IKZF2: variants seen among roughly 807,000 people sequenced by gnomAD.
IKZF2 encodes the protein zinc finger protein Helios.
IKZF2 carries 15 observed loss-of-function variants against 49.2 expected under a neutral mutation model. The ratio of observed to expected loss-of-function variants is 0.30; its 90% confidence interval spans 0.20 to 0.47. The LOEUF is 0.47. Ranked by LOEUF, IKZF2 falls within the 20% of genes least tolerant of loss-of-function variation. IKZF2 has a pLI of 1.00. For missense variants in IKZF2, 567 were observed against 664.6 expected, an observed-to-expected ratio of 0.85 and a Z score of 1.61; for synonymous variants, 227 against 221.4, an observed-to-expected ratio of 1.03 and a Z score of -0.23.
intron 2 of IKZF2, among the ~76,000 whole-genome samples, chr2:213,149,885 T>G (rs2061221940): frequency 6.6e-6 from 1 of 152,246 alleles, no homozygotes; most frequent in Non-Finnish European, 1.5e-5. Flanking sequence ...TGTACTGTTA[T>G]CACATTCTTT....
At chr2:213,063,447 G>T (rs191580239) in intron 4 of IKZF2, among the ~76,000 whole-genome samples, 2 of 151,956 alleles carry the variant, frequency 1.3e-5, no homozygotes, top group African/African-American at 4.8e-5. Flanking sequence ...TCCTGACTCA[G>T]CCACTAGTAC....
At chr2:213,110,409 G>A (rs906752401) in intron 4 of IKZF2, among the ~76,000 whole-genome samples, 5 of 148,004 alleles carry the variant, frequency 3.4e-5, no homozygotes, top group Non-Finnish European at 6.0e-5. Context: ...ACATTTCTGG[G>A]GTTTTTTTTA....
At chr2:213,121,598 T>C (rs1225973673) in intron 4 of IKZF2, among the ~76,000 whole-genome samples, 1 of 152,238 alleles carries the variant, frequency 6.6e-6, no homozygotes, top group Non-Finnish European at 1.5e-5. Flanking sequence ...TTATGAAATG[T>C]TTGTGATTAC....
At chr2:213,100,897 T>C (rs1706579805) in intron 4 of IKZF2, among the ~76,000 whole-genome samples, 1 of 152,086 alleles carries the variant, frequency 6.6e-6, no homozygotes, top group Non-Finnish European at 1.5e-5. Context: ...TAATACTTTC[T>C]AGGTATTTGC....
chr2:213,061,753 ATTAAC>A (rs1483395462), intron 4 of IKZF2, among the ~76,000 whole-genome samples: 1 of 151,596 alleles, frequency 6.6e-6, no homozygotes, highest in Non-Finnish European at 1.5e-5. Context: ...AAAAAATACT[ATTAAC>A]TTAAATAAGT....
At chr2:213,147,572 G>GTGT in intron 4 of IKZF2, 136 bp downstream of exon 4, 1 of 764,444 alleles carries the variant, frequency 1.3e-6, no homozygotes, top group Admixed American at 1.8e-5. Context: ...GAATAAATCT[G>GTGT]TGTTGTTCTT....
chr2:213,077,775 A>C (rs920416257), intron 4 of IKZF2, among the ~76,000 whole-genome samples: 18 of 151,698 alleles, frequency 1.2e-4, no homozygotes, highest in Non-Finnish European at 1.5e-5. Context: ...TTTTTAGTAG[A>C]GACGGGGTTT....
intron 8 of IKZF2, among the ~76,000 whole-genome samples, chr2:213,010,692 T>C (rs1695854101): frequency 6.6e-6 from 1 of 152,014 alleles, no homozygotes; most frequent in Non-Finnish European, 1.5e-5. Flanking sequence ...AGACCCCCTT[T>C]GGTAATGGAG....
intron 4 of IKZF2, among the ~76,000 whole-genome samples, chr2:213,122,099 G>A (rs145186545): frequency 1.3e-5 from 2 of 151,700 alleles, no homozygotes; most frequent in African/African-American, 4.8e-5. Context: ...GACAGACAGA[G>A]AGACAGAGAG....
chr2:213,116,670 C>T (rs1362370515), intron 4 of IKZF2, among the ~76,000 whole-genome samples: 3 of 152,080 alleles, frequency 2.0e-5, no homozygotes, highest in Non-Finnish European at 4.4e-5. Context: ...GCTGTGAGGT[C>T]GAAGTTGACA....
chr2:213,100,170 T>C (rs1401719682), intron 4 of IKZF2, among the ~76,000 whole-genome samples: 1 of 152,104 alleles, frequency 6.6e-6, no homozygotes, highest in Admixed American at 6.6e-5. Context: ...TTCTAATTCA[T>C]CACATTTGTA....
chr2:213,056,431 C>G, intron 5 of IKZF2: 1 of 281,070 alleles, frequency 3.6e-6, no homozygotes, highest in Non-Finnish European at 6.9e-6. Context: ...GAAAATTATT[C>G]ACTTACATAA....
At chr2:213,024,350 T>C (rs1319432771) in intron 6 of IKZF2, among the ~76,000 whole-genome samples, 2 of 152,176 alleles carry the variant, frequency 1.3e-5, no homozygotes, top group Non-Finnish European at 2.9e-5. Flanking sequence ...GACTACTATG[T>C]ACCAATGCTC....
chr2:213,070,680 A>G (rs1702604188), intron 4 of IKZF2, among the ~76,000 whole-genome samples: 1 of 152,162 alleles, frequency 6.6e-6, no homozygotes, highest in Admixed American at 6.6e-5. Context: ...AAACCTAACA[A>G]GGTAAGCAGT....
chr2:213,150,016 C>T, intron 2 of IKZF2, 128 bp downstream of exon 2: 1 of 399,146 alleles, frequency 2.5e-6, no homozygotes, highest in Non-Finnish European at 4.8e-6. Flanking sequence ...TTAACACACA[C>T]ATATTAAAAA....
At chr2:213,018,091 C>T (rs1238943466) in intron 7 of IKZF2, among the ~76,000 whole-genome samples, 1 of 152,136 alleles carries the variant, frequency 6.6e-6, no homozygotes, top group Non-Finnish European at 1.5e-5. Flanking sequence ...GGCTATCCTT[C>T]TGCTTTGCAC....
intron 4 of IKZF2, among the ~76,000 whole-genome samples, chr2:213,114,487 G>A (rs890330186): frequency 6.6e-6 from 1 of 152,116 alleles, no homozygotes; most frequent in Non-Finnish European, 1.5e-5. Flanking sequence ...GACACTGAAT[G>A]AACCAAATGC....
intron 4 of IKZF2, among the ~76,000 whole-genome samples, chr2:213,071,566 C>T (rs1391146659): frequency 6.6e-6 from 1 of 152,104 alleles, no homozygotes; most frequent in Non-Finnish European, 1.5e-5. Context: ...ATAGTCCTAA[C>T]TTCATATTCT....
At chr2:213,092,564 C>A (rs969767164) in intron 4 of IKZF2, among the ~76,000 whole-genome samples, 2 of 152,078 alleles carry the variant, frequency 1.3e-5, no homozygotes, top group African/African-American at 2.4e-5. Flanking sequence ...TGTGATGGTA[C>A]CATCCCACCG....
Sources: allele counts gnomAD v4.1 joint callset (sites outside exome capture counted in the v4.1 genomes callset), GRCh38; gene constraint gnomAD v4.1.1; transcripts MANE v1.5; gene names NCBI Gene and HGNC (gene_info 2026-07-23, HGNC 2026-07-21).